Variants in ZNRF2 observed in about 807,000 individuals in gnomAD.
ZNRF2 encodes the protein E3 ubiquitin-protein ligase ZNRF2.
ZNRF2 carries 16 observed loss-of-function variants against 20.4 expected under a neutral mutation model. The ratio of observed to expected loss-of-function variants is 0.79; its 90% CI spans 0.53 to 1.19. The LOEUF is 1.19. Among genes scored for constraint, ZNRF2 ranks in the 50% most tolerant of loss-of-function variants. ZNRF2 has a pLI of 0.00. For missense variants in ZNRF2, 363 were observed against 332.4 expected, an observed-to-expected ratio of 1.09 and a Z score of -0.72; for synonymous variants, 178 against 144.9, an observed-to-expected ratio of 1.23 and a Z score of -1.64.
intron 1 of ZNRF2, among the ~76,000 whole-genome samples, chr7:30,299,502 C>G (rs1459958109): frequency 1.3e-5 from 2 of 151,220 alleles, no homozygotes; most frequent in African/African-American, 2.4e-5. Flanking sequence ...AATTAGTCCT[C>G]TTTAATTGGA....
intron 1 of ZNRF2, among the ~76,000 whole-genome samples, chr7:30,293,628 T>C (rs1798953006): frequency 1.3e-5 from 2 of 152,232 alleles, no homozygotes; most frequent in African/African-American, 4.8e-5. Flanking sequence ...ATTGCCAAAT[T>C]GCTCATTAGA....
At position 30,291,995 on chromosome 7, in the gene ZNRF2, C is replaced by T. The variant is rs116334617; in HGVS notation, c.469+6169C>T. 6.7e-3 allele frequency among the ~76,000 whole-genome samples: 1,019 copies of T among 151,724 alleles called. 16 individuals are homozygous for T. The highest frequency in any genetic ancestry group is 0.024 in the African/African-American group (974 of 41,378). ...TGTTCACTAGAGAAAAACTAACATA[C>T]GGAAAAGCAGGTATAAAAATCGCAA... On this transcript the variant is annotated intron_variant, in intron 1 of 4. Coordinates refer to ENST00000323037, the MANE Select transcript of ZNRF2 (RefSeq NM_147128.4).
chr7:30,323,046 CTGA>C (rs1446823016), intron 1 of ZNRF2, among the ~76,000 whole-genome samples: 1 of 152,192 alleles, frequency 6.6e-6, no homozygotes, highest in Admixed American at 6.6e-5. Flanking sequence ...GTACCCCGAT[CTGA>C]TGCTAGTTTC....
chr7:30,304,868 G>C (rs953825446), intron 1 of ZNRF2, among the ~76,000 whole-genome samples: 1 of 152,170 alleles, frequency 6.6e-6, no homozygotes, highest in Non-Finnish European at 1.5e-5. Flanking sequence ...CCCCTGGTGT[G>C]CTGGAACTAG....
At chr7:30,332,261 A>G (rs547235635) in intron 2 of ZNRF2, among the ~76,000 whole-genome samples, 1 of 152,324 alleles carries the variant, frequency 6.6e-6, no homozygotes, top group African/African-American at 2.4e-5. Flanking sequence ...TCTTCACAGA[A>G]GAACTTCACA....
chr7:30,323,195 T>C (rs1433639138), intron 1 of ZNRF2, among the ~76,000 whole-genome samples: 2 of 152,120 alleles, frequency 1.3e-5, no homozygotes, highest in Non-Finnish European at 2.9e-5. Context: ...TTTAAGGTTA[T>C]TGAGGTAGAA....
intron 1 of ZNRF2, among the ~76,000 whole-genome samples, chr7:30,319,088 G>A (rs1166128698): frequency 6.6e-6 from 1 of 151,716 alleles, no homozygotes; most frequent in Non-Finnish European, 1.5e-5. Flanking sequence ...CTCCAGCCTG[G>A]GTGAAAGAGC....
rs1049606979 is a variant in ZNRF2, at chr7:30,285,726, C to T, written c.369C>T (p.Asp123=). 21 of 1,464,692 alleles carry T rather than the reference C, an allele frequency of 1.4e-5. No homozygotes were observed. The highest frequency in any genetic ancestry group is 1.7e-5 in the Non-Finnish European group (19 of 1,113,618). 90.7% of individuals were successfully genotyped at this position (1,464,692 alleles called of 1,614,324 possible). ...ACTCGGTGCACAGCAGCCCTGAGGA[C>T]GGCGGCGGCGGCCGGGACCGGCCGG... ...SQDSVHSSPE[D]GGGGRDRPVG... is the part of the protein sequence containing the mutation. Residue 123 remains aspartate (D), a synonymous_variant, in exon 1 of 5, where the codon GAC becomes GAT. Coordinates refer to ENST00000323037, the MANE Select transcript of ZNRF2 (RefSeq NM_147128.4).
intron 4 of ZNRF2, among the ~76,000 whole-genome samples, chr7:30,363,367 G>A (rs42590): frequency 0.13 from 19,334 of 152,124 alleles, 2,377 homozygotes; most frequent in African/African-American, 0.32. Flanking sequence ...TACCATTACT[G>A]TTCCTATTAC....
intron 2 of ZNRF2, among the ~76,000 whole-genome samples, chr7:30,348,732 A>G (rs1799918123): frequency 6.6e-6 from 1 of 152,184 alleles, no homozygotes; most frequent in Non-Finnish European, 1.5e-5. Context: ...ACCAAGACCA[A>G]ATTCAACAGG....
chr7:30,316,655 C>T (rs979583642), intron 1 of ZNRF2, among the ~76,000 whole-genome samples: 1 of 152,122 alleles, frequency 6.6e-6, no homozygotes, highest in Non-Finnish European at 1.5e-5. Context: ...TATTAAGTCG[C>T]TGTCATTTTT....
At chr7:30,289,737 G>T in intron 1 of ZNRF2, 1 of 522,586 alleles carries the variant, frequency 1.9e-6, no homozygotes. Context: ...GAGGATTGGT[G>T]AGTTGCACAG....
intron 1 of ZNRF2, among the ~76,000 whole-genome samples, chr7:30,318,543 C>T (rs138465413): frequency 3.3e-5 from 5 of 152,282 alleles, no homozygotes; most frequent in Non-Finnish European, 7.3e-5. Context: ...ACCCAAAAAT[C>T]TCACCTGTAT....
Position 30,327,329 on chromosome 7 carries a change from C to T in ZNRF2, c.565+3592C>T, listed in dbSNP as rs145608463. Among the ~76,000 whole-genome samples, 505 of 152,112 alleles carry T rather than the reference C, an allele frequency of 3.3e-3. 6 individuals are homozygous for T. Among genetic ancestry groups the T allele is most frequent in the Admixed American group, 6.2e-3 (94 of 15,252 alleles). On this transcript the variant is annotated intron_variant, in intron 2 of 4. Transcript: ENST00000323037. ...TTTGTATGTGGTTTAAGGAGGTTGGCGTGGGGTAGGGGTCCAGTTTCAATC... is the reference window on the plus strand; with the variant it reads ...TTTGTATGTGGTTTAAGGAGGTTGGTGTGGGGTAGGGGTCCAGTTTCAATC...
chr7:30,297,842 G>A (rs1181984100), intron 1 of ZNRF2, among the ~76,000 whole-genome samples: 1 of 150,036 alleles, frequency 6.7e-6, no homozygotes, highest in Non-Finnish European at 1.5e-5. Context: ...TTTGGTTTTT[G>A]TTCTTTTTTT....
intron 2 of ZNRF2, among the ~76,000 whole-genome samples, chr7:30,335,404 C>T (rs984944727): frequency 2.0e-5 from 3 of 152,008 alleles, no homozygotes; most frequent in African/African-American, 7.2e-5. Context: ...TTTTTATTTT[C>T]GTTAAGATGT....
At chr7:30,297,855 C>T (rs2391850) in intron 1 of ZNRF2, among the ~76,000 whole-genome samples, 13 of 148,384 alleles carry the variant, frequency 8.8e-5, no homozygotes, top group Non-Finnish European at 1.3e-4. Context: ...CTTTTTTTCT[C>T]TTGAGGGATT....
intron 1 of ZNRF2, among the ~76,000 whole-genome samples, chr7:30,321,033 C>A (rs1177647950): frequency 6.6e-6 from 1 of 152,060 alleles, no homozygotes; most frequent in East Asian, 1.9e-4. Flanking sequence ...TGGAGTGGGG[C>A]CTTTTTCAGT....
At chr7:30,327,371 C>G (rs1799568447) in intron 2 of ZNRF2, among the ~76,000 whole-genome samples, 1 of 152,084 alleles carries the variant, frequency 6.6e-6, no homozygotes, top group African/African-American at 2.4e-5. Context: ...ATATGGCTAG[C>G]TAGTTATCCC....
Sources: allele counts gnomAD v4.1 joint callset (sites outside exome capture counted in the v4.1 genomes callset), GRCh38; gene constraint gnomAD v4.1.1; transcripts MANE v1.5; gene names NCBI Gene and HGNC (gene_info 2026-07-23, HGNC 2026-07-21).